The following ZNF354A variants were observed in gnomAD, a reference collection of about 807,000 sequenced individuals.
ZNF354A encodes epididymis luminal protein 104.
ZNF354A carries 25 observed loss-of-function variants against 53.3 expected under a neutral mutation model. The observed-to-expected ratio is 0.47, with a 90% CI of 0.34 to 0.66. ZNF354A has a LOEUF of 0.66. ZNF354A is among the 30% of genes least tolerant of loss of function. The probability of loss-of-function intolerance (pLI) is 0.01; values close to 1 mark genes in which losing one functional copy is unlikely to be tolerated. For missense variants in ZNF354A, 586 were observed against 716.8 expected (o/e 0.82, Z 2.08); for synonymous variants, 228 against 249.0 (o/e 0.92, Z 0.79).
intron 4 of ZNF354A, among the ~76,000 whole-genome samples, chr5:178,720,472 C>T (rs984877945): frequency 5.3e-5 from 8 of 152,110 alleles, no homozygotes; most frequent in Admixed American, 2.0e-4. Flanking sequence ...GTGAAGACAC[C>T]GGGCGAACAC....
chr5:178,726,590 A>G (rs777474147), intron 3 of ZNF354A, among the ~76,000 whole-genome samples: 10 of 152,116 alleles, frequency 6.6e-5, no homozygotes, highest in Non-Finnish European at 1.3e-4. Context: ...GTGAGCCACC[A>G]TGCCCAGCCT....
chr5:178,727,822 A>G (rs925438982), intron 2 of ZNF354A, among the ~76,000 whole-genome samples: 3 of 152,144 alleles, frequency 2.0e-5, no homozygotes, highest in Non-Finnish European at 4.4e-5. Flanking sequence ...ACACAGACAC[A>G]GTCACTGACC....
intron 2 of ZNF354A, among the ~76,000 whole-genome samples, 173 bp downstream of exon 2, chr5:178,728,817 G>A (rs1479782266): frequency 7.7e-6 from 1 of 130,564 alleles, no homozygotes; most frequent in Non-Finnish European, 1.6e-5. Context: ...CACTAGACAC[G>A]GGTGGGGAGG....
chr5:178,728,751 C>A (rs371763381), intron 2 of ZNF354A, among the ~76,000 whole-genome samples: 9 of 146,476 alleles, frequency 6.1e-5, no homozygotes, highest in African/African-American at 7.8e-5. Flanking sequence ...GAGCCGAGAT[C>A]CCGCCACTGC....
rs369842488 is a variant in ZNF354A at position 178,726,371 on chromosome 5, C to T, written c.160+628G>A. 1.9e-3 allele frequency: 650 copies of T among 348,388 alleles called. 18 individuals carry two copies. Among genetic ancestry groups the T allele is most frequent in the South Asian group, 0.014 (631 of 44,738 alleles). 21.6% of individuals were successfully genotyped at this position (348,388 alleles called of 1,614,324 possible). The stretch of plus-strand genomic sequence containing the variant: ...TGTCGCCCAGGCTGGAGTGCAGTGG[C>T]GGGAACTTGGCTCACTGCAAGCTCC... On this transcript the variant is annotated intron_variant, in intron 3 of 4. Transcript: ENST00000335815.
intron 4 of ZNF354A, among the ~76,000 whole-genome samples, chr5:178,720,213 C>T (rs1581745543): frequency 6.6e-6 from 1 of 152,206 alleles, no homozygotes; most frequent in East Asian, 1.9e-4. Flanking sequence ...AGTGAATCTC[C>T]AGCCAGTTTC....
rs17854421 is a variant in ZNF354A, at chr5:178,712,981, T to A, written c.897A>T (p.Arg299Ser). ...LRTHTVEKSY[R>S]CKECGKSFSR... ...TGAAGGATTTACCACATTCTTTACA[T>A]CTGTAGGATTTCTCCACAGTATGGG... Residue 299 changes from arginine (R) to serine (S), a missense_variant, in exon 5 of 5, where the codon AGA becomes AGT. Transcript: ENST00000335815. 1.1e-5 allele frequency: 18 copies of A among 1,614,142 alleles called. No homozygotes were observed. Among genetic ancestry groups the A allele is most frequent in the Non-Finnish European group, 1.4e-5 (17 of 1,180,018 alleles).
rs147495731 is a variant in ZNF354A at position 178,727,141 on chromosome 5, G to C, written c.34-16C>G. 6 of 1,607,322 alleles carry C rather than the reference G, an allele frequency of 3.7e-6. No homozygotes were observed. Among genetic ancestry groups the C allele is most frequent in the South Asian group, 1.1e-5 (1 of 89,996 alleles). On this transcript the variant is annotated splice_polypyrimidine_tract_variant and intron_variant, in intron 2 of 4. Coordinates refer to ENST00000335815, the MANE Select transcript of ZNF354A (RefSeq NM_005649.3). The stretch of plus-strand genomic sequence containing the variant: ...TCAGTGACACCTGTAAGGACAAGTC[G>C]TTCCAGCTCACCCAGGACCACCCTC...
chr5:178,730,468 C>G (rs934833627), intron 1 of ZNF354A, 88 bp downstream of exon 1: 4 of 152,188 alleles, frequency 2.6e-5, no homozygotes, highest in African/African-American at 7.2e-5. Flanking sequence ...CGCCAGCGCC[C>G]ACAAAGGCTT....
chr5:178,718,765 C>T (rs918085153), intron 4 of ZNF354A, among the ~76,000 whole-genome samples: 15 of 152,146 alleles, frequency 9.9e-5, no homozygotes, highest in Admixed American at 2.0e-4. Context: ...CAGGGTCTTG[C>T]TCTGTTGCCC....
At position 178,713,532 on chromosome 5, in the gene ZNF354A, C is replaced by CA; in HGVS notation, c.345dup (p.Val116CysfsTer14). 1 of 1,612,686 alleles carries CA rather than the reference C, an allele frequency of 6.2e-7. No homozygotes were observed. The highest frequency in any genetic ancestry group is 1.1e-5 in the South Asian group (1 of 90,886). On this transcript the variant is annotated frameshift_variant, in exon 5 of 5. Coordinates refer to ENST00000335815, the MANE Select transcript of ZNF354A (RefSeq NM_005649.3). LOFTEE classifies it high-confidence loss of function. ...TTTTCTAATTTCAAATCCCAAGGTA[C>CA]ATTCCTGTTGGATCTTTTCAGTATC...
chr5:178,723,131 G>A (rs1561620042), intron 4 of ZNF354A, among the ~76,000 whole-genome samples: 1 of 152,170 alleles, frequency 6.6e-6, no homozygotes, highest in South Asian at 2.1e-4. Context: ...TTCTCCCAAA[G>A]GAGAGTTAAA....
At chr5:178,714,922 G>T (rs1765686819) in intron 4 of ZNF354A, among the ~76,000 whole-genome samples, 1 of 152,202 alleles carries the variant, frequency 6.6e-6, no homozygotes, top group Non-Finnish European at 1.5e-5. Flanking sequence ...GACAAGAGGT[G>T]CCACAAGACA....
chr5:178,728,263 C>T (rs1340975784), intron 2 of ZNF354A, among the ~76,000 whole-genome samples: 2 of 152,098 alleles, frequency 1.3e-5, no homozygotes, highest in Non-Finnish European at 2.9e-5. Context: ...TTAATGCCTG[C>T]CCCTTAGGGT....
intron 4 of ZNF354A, among the ~76,000 whole-genome samples, chr5:178,714,888 G>A (rs1171919551): frequency 2.0e-5 from 3 of 152,214 alleles, no homozygotes; most frequent in Non-Finnish European, 4.4e-5. Context: ...GTTCAAACAG[G>A]AGGGCCCTGT....
At chr5:178,727,643 T>C (rs1561622251) in intron 2 of ZNF354A, among the ~76,000 whole-genome samples, 1 of 152,238 alleles carries the variant, frequency 6.6e-6, no homozygotes, top group Non-Finnish European at 1.5e-5. Context: ...CTATAATTTA[T>C]TGAAGGCTTT....
intron 4 of ZNF354A, among the ~76,000 whole-genome samples, chr5:178,718,084 C>A (rs1765747219): frequency 6.6e-6 from 1 of 152,088 alleles, no homozygotes; most frequent in Non-Finnish European, 1.5e-5. Flanking sequence ...GATTACGACT[C>A]GGAAGTCCAT....
chr5:178,713,905 G>A (rs539209577), intron 4 of ZNF354A, among the ~76,000 whole-genome samples: 2 of 151,774 alleles, frequency 1.3e-5, no homozygotes, highest in Non-Finnish European at 2.9e-5. Context: ...AGAGAAAAGG[G>A]TTATAAAGGG....
intron 4 of ZNF354A, among the ~76,000 whole-genome samples, chr5:178,721,176 AT>A (rs1405167031): frequency 6.6e-6 from 1 of 152,160 alleles, no homozygotes; most frequent in Non-Finnish European, 1.5e-5. Flanking sequence ...TCTAAAAAAA[AT>A]AATTGCACTG....
Sources: allele counts gnomAD v4.1 joint callset (sites outside exome capture counted in the v4.1 genomes callset), GRCh38; gene constraint gnomAD v4.1.1; transcripts MANE v1.5; gene names NCBI Gene and HGNC (gene_info 2026-07-23, HGNC 2026-07-21).